Variants in SLIT3 observed in about 807,000 individuals in gnomAD.
SLIT3 encodes the protein slit guidance ligand 3.
Under a neutral mutation model 184.0 loss-of-function variants are expected in SLIT3, and 68 were observed. The ratio of observed to expected loss-of-function variants is 0.37; its 90% CI spans 0.30 to 0.45. SLIT3 has a LOEUF of 0.45. Among genes scored for constraint, SLIT3 ranks in the 20% least tolerant of loss-of-function variants. SLIT3 has a pLI of 1.00. For missense variants in SLIT3, 1,707 were observed against 2,026.0 expected (o/e 0.84, Z 3.02); for synonymous variants, 831 against 828.6 (o/e 1.00, Z -0.05).
intron 4 of SLIT3, among the ~76,000 whole-genome samples, chr5:168,985,847 T>C (rs565423368): frequency 1.2e-3 from 175 of 151,248 alleles, no homozygotes; most frequent in Non-Finnish European, 1.9e-3. Flanking sequence ...TGGCGGGGGG[T>C]AGGAAGAGAG....
chr5:168,983,555 T>G (rs146813060), intron 4 of SLIT3, among the ~76,000 whole-genome samples: 2 of 152,354 alleles, frequency 1.3e-5, no homozygotes, highest in East Asian at 3.9e-4. Flanking sequence ...GTCCATTCTT[T>G]GCTCTGTTCT....
At chr5:169,048,949 T>C (rs895928855) in intron 4 of SLIT3, among the ~76,000 whole-genome samples, 3 of 152,158 alleles carry the variant, frequency 2.0e-5, no homozygotes, top group Non-Finnish European at 4.4e-5. Flanking sequence ...GAGAGGCCCT[T>C]AGAAGTTGAG....
At chr5:168,808,132 CAG>C (rs1467941699) in intron 8 of SLIT3, among the ~76,000 whole-genome samples, 2 of 152,072 alleles carry the variant, frequency 1.3e-5, no homozygotes, top group Non-Finnish European at 2.9e-5. Context: ...TCAAAGTTGC[CAG>C]TGCTACACAA....
intron 6 of SLIT3, among the ~76,000 whole-genome samples, chr5:168,836,712 C>T (rs1383040455): frequency 6.6e-6 from 1 of 152,154 alleles, no homozygotes; most frequent in Non-Finnish European, 1.5e-5. Flanking sequence ...CCGACTCCCC[C>T]TAAGCGCTAC....
intron 16 of SLIT3, among the ~76,000 whole-genome samples, chr5:168,755,269 C>G (rs1215679721): frequency 1.3e-5 from 2 of 152,096 alleles, no homozygotes; most frequent in South Asian, 2.1e-4. Context: ...CATTGAACCT[C>G]TTCTTTCATA....
intron 5 of SLIT3, among the ~76,000 whole-genome samples, chr5:168,851,860 C>T (rs536748368): frequency 2.0e-5 from 3 of 152,214 alleles, no homozygotes; most frequent in African/African-American, 4.8e-5. Flanking sequence ...TCTGTTGACT[C>T]GCAAACCCAG....
intron 5 of SLIT3, among the ~76,000 whole-genome samples, chr5:168,850,098 AC>A (rs1758617130): frequency 6.6e-6 from 1 of 152,228 alleles, no homozygotes; most frequent in Non-Finnish European, 1.5e-5. Flanking sequence ...ATTTTAACTG[AC>A]AAAAGGAAAA....
chr5:169,073,844 C>A (rs959212901), intron 4 of SLIT3, among the ~76,000 whole-genome samples: 10 of 152,130 alleles, frequency 6.6e-5, no homozygotes, highest in African/African-American at 2.2e-4. Flanking sequence ...GTACAGCCTG[C>A]AGAACTGTGC....
chr5:168,752,974 G>A lies in SLIT3; in HGVS notation c.1954C>T (p.Leu652Phe). Residue 652 changes from leucine (L) to phenylalanine (F), a missense_variant, in exon 18 of 36, where the codon CTT becomes TTT. Physicochemically the swap from Leu to Phe is conservative, Grantham distance 22. This residue lies in a region of SLIT3 where 1,307 missense variants were observed against 1,511.6 expected (regional missense o/e 0.86). Transcript: ENST00000519560. The stretch of plus-strand genomic sequence containing the variant: ...ACTTACATGGTGGACAGGGAGACAA[G>A]CGTGGTGAAGGCCCCAGGGGTGATG... ...TTITPGAFTT[L>F]VSLSTINLLS... is the part of the protein sequence containing the mutation. The A allele has an allele frequency of 6.2e-7, 1 of 1,614,128 alleles. No individual in the cohort carries two copies. Among genetic ancestry groups the A allele is most frequent in the Non-Finnish European group, 8.5e-7 (1 of 1,179,994 alleles).
At chr5:169,188,006 G>A (rs1464872624) in intron 4 of SLIT3, among the ~76,000 whole-genome samples, 1 of 152,192 alleles carries the variant, frequency 6.6e-6, no homozygotes, top group Non-Finnish European at 1.5e-5. Flanking sequence ...CGCCCAAGCT[G>A]GAGTGCAGTG....
At chr5:169,004,785 T>C (rs1355290762) in intron 4 of SLIT3, among the ~76,000 whole-genome samples, 4 of 151,926 alleles carry the variant, frequency 2.6e-5, no homozygotes, top group Non-Finnish European at 5.9e-5. Context: ...ATAGGAAGGG[T>C]CCAGAGAGCT....
rs58407375 is a variant in SLIT3 at position 168,884,549 on chromosome 5, GATATAT to G, written c.414-1219_414-1214del. Among the ~76,000 whole-genome samples the G allele has an allele frequency of 8.7e-3, 357 of 41,154 alleles. 25 individuals carry two copies. The highest frequency in any genetic ancestry group is 0.029 in the African/African-American group (261 of 9,096). The allele number at this position is 41,154 out of a possible 152,430, so 27.0% of individuals were successfully genotyped here. A position where few individuals can be genotyped will look rare whatever the true frequency, so the allele number is the denominator to read the frequency against. ...ATCTAACTACTGCTACCAATTACGA[GATATAT>G]ATATATATATATATATATATATATA... On this transcript the variant is annotated intron_variant, in intron 4 of 35. Coordinates refer to ENST00000519560, the MANE Select transcript of SLIT3 (RefSeq NM_003062.4).
chr5:168,888,914 A>C (rs960128576), intron 4 of SLIT3, among the ~76,000 whole-genome samples: 1 of 152,190 alleles, frequency 6.6e-6, no homozygotes, highest in African/African-American at 2.4e-5. Flanking sequence ...ATTCAGTATC[A>C]ATCAAAACTC....
chr5:168,743,282 A>T (rs903044304), intron 20 of SLIT3, among the ~76,000 whole-genome samples: 15 of 152,222 alleles, frequency 9.9e-5, no homozygotes, highest in Non-Finnish European at 1.8e-4. Flanking sequence ...CCCCGCCACA[A>T]GCAAGTCTAT....
At chr5:169,141,086 T>C (rs1320772786) in intron 4 of SLIT3, among the ~76,000 whole-genome samples, 3 of 152,210 alleles carry the variant, frequency 2.0e-5, no homozygotes, top group African/African-American at 7.2e-5. Context: ...GAATCTGACC[T>C]ATCCTTCAAG....
rs138697746 is a variant in SLIT3, at chr5:169,044,147, G to A, written c.413+149332C>T. ...AATGAAAAGGACAATAACAAGTGTTGGCAAGGATGTGGACCAACTGAAACA... is the reference window on the plus strand; with the variant it reads ...AATGAAAAGGACAATAACAAGTGTTAGCAAGGATGTGGACCAACTGAAACA... On this transcript the variant is annotated intron_variant, in intron 4 of 35. Coordinates refer to ENST00000519560, the MANE Select transcript of SLIT3 (RefSeq NM_003062.4). Among the ~76,000 whole-genome samples, 115 of 152,260 alleles carry A rather than the reference G, an allele frequency of 7.6e-4. 1 individual carries two copies. The highest frequency in any genetic ancestry group is 2.7e-3 in the African/African-American group (113 of 41,544).
chr5:168,846,874 A>G (rs1758491715), intron 5 of SLIT3, among the ~76,000 whole-genome samples: 1 of 152,230 alleles, frequency 6.6e-6, no homozygotes, highest in South Asian at 2.1e-4. Flanking sequence ...AAAGAATGGA[A>G]TCTGCAGGGA....
At chr5:168,956,942 T>TA (rs35572186) in intron 4 of SLIT3, among the ~76,000 whole-genome samples, 52,751 of 146,230 alleles carry the variant, frequency 0.36, 9,409 homozygotes, top group African/African-American at 0.42. Context: ...ACATCCACTT[T>TA]AAAAAAAAAA....
At chr5:169,092,141 T>C (rs1382825597) in intron 4 of SLIT3, among the ~76,000 whole-genome samples, 1 of 152,140 alleles carries the variant, frequency 6.6e-6, no homozygotes, top group Non-Finnish European at 1.5e-5. Context: ...GAGAATCGTT[T>C]AAACCCGAGA....
Sources: gnomAD v4.1 joint callset for allele counts (sites outside exome capture counted in the v4.1 genomes callset) on GRCh38, gnomAD v4.1.1 for gene constraint, gnomAD v4.1.1 regional missense constraint, MANE v1.5 for transcripts, NCBI Gene and HGNC (gene_info 2026-07-23, HGNC 2026-07-21) for gene names.